CCDC141: variants seen among roughly 807,000 people sequenced by gnomAD.
CCDC141 encodes coiled-coil domain-containing protein 141.
A neutral mutation model predicts 181.0 loss-of-function variants in CCDC141; 168 were observed. That is an observed-to-expected ratio of 0.93 (90% CI 0.82 to 1.05). The LOEUF is 1.05. Ranked by LOEUF, CCDC141 falls within the 50% of genes least tolerant of loss-of-function variation. The pLI is 0.00. For synonymous variants in CCDC141, 666 were observed against 642.3 expected, an observed-to-expected ratio of 1.04 and a Z score of -0.56; for missense variants, 1,902 against 1,788.5, an observed-to-expected ratio of 1.06 and a Z score of -1.14.
Position 178,863,593 on chromosome 2 carries a change from C to A in CCDC141, c.2724+2174G>T, listed in dbSNP as rs368446236. ...GCTGTTCACAATATAAACTGGAACACACATATTTTTATTTTCCTAAGGGAC... is the reference window on the plus strand; with the variant it reads ...GCTGTTCACAATATAAACTGGAACAAACATATTTTTATTTTCCTAAGGGAC... On this transcript the variant is annotated intron_variant, in intron 17 of 23. Transcript: ENST00000443758. Among the ~76,000 whole-genome samples the A allele has an allele frequency of 5.9e-5, 9 of 152,280 alleles. No individual in the cohort carries two copies. In the South Asian group the frequency reaches 1.2e-3, roughly 21 times the overall value.
chr2:179,018,615 T>C (rs2042610650), intron 2 of CCDC141, among the ~76,000 whole-genome samples: 1 of 152,184 alleles, frequency 6.6e-6, no homozygotes, highest in Non-Finnish European at 1.5e-5. Context: ...CAATGCTGCC[T>C]TCTCCATGAA....
intron 2 of CCDC141, 34 bp from the exon 3 acceptor site, chr2:178,978,709 GTTAAC>G: frequency 7.0e-7 from 1 of 1,436,174 alleles, no homozygotes; most frequent in Non-Finnish European, 9.2e-7. Context: ...AAGGCAGGGT[GTTAAC>G]TTAATGTAAG....
chr2:178,910,347 A>G (rs1688167273), intron 7 of CCDC141, among the ~76,000 whole-genome samples: 1 of 152,240 alleles, frequency 6.6e-6, no homozygotes, highest in Non-Finnish European at 1.5e-5. Flanking sequence ...AACAACAGAA[A>G]GAAAACAGCA....
intron 12 of CCDC141, 78 bp from the exon 13 acceptor site, chr2:178,872,390 A>G (rs540968211): frequency 2.4e-5 from 31 of 1,314,412 alleles, no homozygotes; most frequent in Non-Finnish European, 2.7e-5. Flanking sequence ...CTATTTTACG[A>G]GGCAAATTCT....
At position 178,868,158 on chromosome 2, in the gene CCDC141, C is replaced by T. The variant is rs142582103; in HGVS notation, c.2442G>A (p.Pro814=). 48 of 1,613,990 alleles carry T rather than the reference C, an allele frequency of 3.0e-5. 1 individual carries two copies. Among genetic ancestry groups the T allele is most frequent in the African/African-American group, 2.0e-4 (15 of 75,044 alleles). Residue 814 remains proline (P), a synonymous_variant, in exon 16 of 24, where the codon CCG becomes CCA. Coordinates refer to ENST00000443758, the MANE Select transcript of CCDC141 (RefSeq NM_173648.4). Reference sequence around the variant, plus strand: ...CATCATGGGCATCACCCAGTTCCTTCGGCTGCTCTACAAACTCCAGCTCTC... The same window carrying T: ...CATCATGGGCATCACCCAGTTCCTTTGGCTGCTCTACAAACTCCAGCTCTC... ...KSRELEFVEQ[P]KELGDAHDVQ... is the part of the protein sequence containing the mutation.
intron 11 of CCDC141, among the ~76,000 whole-genome samples, chr2:178,881,615 G>A (rs1160909161): frequency 6.6e-6 from 1 of 152,012 alleles, no homozygotes; most frequent in Admixed American, 6.6e-5. Flanking sequence ...GGAATAAAGC[G>A]AATTGCAGTG....
intron 2 of CCDC141, among the ~76,000 whole-genome samples, chr2:178,988,213 G>T (rs376555516): frequency 6.0e-5 from 9 of 150,908 alleles, no homozygotes; most frequent in South Asian, 2.1e-4. Context: ...GTAAACTATC[G>T]CAAGAACAAA....
chr2:179,038,430 C>T (rs987890265), intron 2 of CCDC141, among the ~76,000 whole-genome samples: 9 of 152,064 alleles, frequency 5.9e-5, no homozygotes, highest in African/African-American at 2.2e-4. Flanking sequence ...TTTGGAAATA[C>T]ATAGTGGTGA....
At chr2:179,016,762 A>T (rs1303319135) in intron 2 of CCDC141, among the ~76,000 whole-genome samples, 1 of 152,064 alleles carries the variant, frequency 6.6e-6, no homozygotes, top group African/African-American at 2.4e-5. Flanking sequence ...TACCTAGTGG[A>T]AAACAAGTGG....
At chr2:178,985,042 C>A (rs1691656051) in intron 2 of CCDC141, among the ~76,000 whole-genome samples, 1 of 151,266 alleles carries the variant, frequency 6.6e-6, no homozygotes, top group Non-Finnish European at 1.5e-5. Context: ...CACACCTATT[C>A]CAAAATTGAC....
intron 2 of CCDC141, among the ~76,000 whole-genome samples, chr2:178,988,319 T>G (rs1575311877): frequency 1.2e-5 from 1 of 84,934 alleles, no homozygotes; most frequent in Non-Finnish European, 2.1e-5. Context: ...GGGACTGTTG[T>G]GGGGTGGGGG....
intron 22 of CCDC141, among the ~76,000 whole-genome samples, chr2:178,842,211 A>G (rs1356502381): frequency 6.6e-6 from 1 of 152,204 alleles, no homozygotes; most frequent in African/African-American, 2.4e-5. Context: ...TCACCAAAAC[A>G]TAGCTCAACT....
chr2:178,876,479 G>T (rs1455012585), intron 12 of CCDC141: 1 of 152,150 alleles, frequency 6.6e-6, no homozygotes, highest in Admixed American at 6.5e-5. Flanking sequence ...ATGTCAAATT[G>T]TCTATGTCAT....
chr2:178,948,646 G>A (rs937272727), intron 5 of CCDC141, among the ~76,000 whole-genome samples: 2 of 152,080 alleles, frequency 1.3e-5, no homozygotes, highest in African/African-American at 2.4e-5. Flanking sequence ...TCACAGGAGC[G>A]GACCCCTCAT....
chr2:178,865,801 A>T lies in CCDC141; in HGVS notation c.2690T>A (p.Val897Glu). The T allele has an allele frequency of 1.3e-6, 2 of 1,595,394 alleles. No homozygotes were observed. Among genetic ancestry groups the T allele is most frequent in the South Asian group, 2.3e-5 (2 of 87,788 alleles). ...EEYGRTLSRS[V>E]EYCAMRDEIN... ...CTCGTCTCTCATGGCGCAGTACTCC[A>T]CACTACGGGACAGGGTCCGTCCATA... is the stretch of plus-strand genomic sequence containing the variant. The change falls in exon 17 of 24, where the codon GTG becomes GAG. Residue 897 changes from valine to glutamate, a missense_variant. Val to Glu is a moderately radical substitution (Grantham distance 121). Transcript: ENST00000443758.
intron 2 of CCDC141, among the ~76,000 whole-genome samples, 194 bp from the exon 3 acceptor site, chr2:178,978,869 T>C (rs772467531): frequency 2.0e-5 from 3 of 152,172 alleles, no homozygotes; most frequent in Non-Finnish European, 2.9e-5. Context: ...CCAGGAAGCA[T>C]GGCCAGGCTA....
At chr2:178,904,879 G>C (rs940527083) in intron 8 of CCDC141, among the ~76,000 whole-genome samples, 1 of 152,096 alleles carries the variant, frequency 6.6e-6, no homozygotes, top group East Asian at 1.9e-4. Context: ...TTTACTTAGG[G>C]TTTTGCATGG....
the CCDC141 span, among the ~76,000 whole-genome samples, chr2:178,820,373 C>T: frequency 6.6e-6 from 1 of 152,066 alleles, no homozygotes; most frequent in African/African-American, 2.4e-5. Flanking sequence ...GATAAGTTCA[C>T]GCTCAGGGTG....
chr2:178,951,833 G>A (rs992523591), intron 5 of CCDC141, among the ~76,000 whole-genome samples: 11 of 152,130 alleles, frequency 7.2e-5, no homozygotes, highest in South Asian at 2.1e-4. Flanking sequence ...AGAAGCAACC[G>A]CAGAGCCTTC....
Sources: gnomAD v4.1 joint callset for allele counts (sites outside exome capture counted in the v4.1 genomes callset) on GRCh38, gnomAD v4.1.1 for gene constraint, MANE v1.5 for transcripts, NCBI Gene and HGNC (gene_info 2026-07-23, HGNC 2026-07-21) for gene names.